ATG7: variants seen among roughly 807,000 people sequenced by gnomAD.
The protein encoded by ATG7 is autophagy related 7.
In ATG7, 70 loss-of-function variants were observed where a neutral mutation model predicts 82.4. That is an observed-to-expected ratio of 0.85 (90% CI 0.70 to 1.04). The LOEUF is 1.04. ATG7 is among the 50% of genes least tolerant of loss of function. The probability of loss-of-function intolerance (pLI) is 0.00; values close to 1 mark genes in which losing one functional copy is unlikely to be tolerated. For synonymous variants in ATG7, 287 were observed against 313.0 expected, an observed-to-expected ratio of 0.92 and a Z score of 0.88; for missense variants, 792 against 864.3, an observed-to-expected ratio of 0.92 and a Z score of 1.05.
At chr3:11,562,100 G>A (rs1219426928), downstream of ATG7, among the ~76,000 whole-genome samples, 1 of 152,128 alleles carries the variant, frequency 6.6e-6, no homozygotes, top group African/African-American at 2.4e-5. Context: ...GTTTCACCAT[G>A]TTGGCCAGGC....
chr3:11,453,458 G>T (rs148361341), intron 20 of ATG7, among the ~76,000 whole-genome samples: 1 of 152,172 alleles, frequency 6.6e-6, no homozygotes, highest in East Asian at 1.9e-4. Context: ...CACACCCTTC[G>T]TCAGGATGTA....
chr3:11,570,507 C>T, the ATG7 span, among the ~76,000 whole-genome samples: 16 of 152,330 alleles, frequency 1.1e-4, no homozygotes, highest in East Asian at 1.7e-3. Flanking sequence ...GCAGCCCCCA[C>T]GCCCTAATCT....
chr3:11,496,930 G>C (rs567122581), intron 20 of ATG7, among the ~76,000 whole-genome samples: 2 of 151,882 alleles, frequency 1.3e-5, no homozygotes, highest in African/African-American at 4.8e-5. Context: ...TGTGATCTCG[G>C]CTCACTGCAA....
chr3:11,402,427 C>G (rs149850660), intron 19 of ATG7, among the ~76,000 whole-genome samples: 1 of 151,952 alleles, frequency 6.6e-6, no homozygotes, highest in Non-Finnish European at 1.5e-5. Flanking sequence ...AGTGAGACTC[C>G]GTCTCAAAAA....
the ATG7 span, among the ~76,000 whole-genome samples, chr3:11,574,785 ATGTGTGTGTG>A: frequency 0.012 from 1,500 of 121,774 alleles, 12 homozygotes; most frequent in Middle Eastern, 0.024. Context: ...TCAACTATAT[ATGTGTGTGTG>A]TGTGTGTGTG....
At chr3:11,514,239 TGGC>T (rs2092191230) in intron 20 of ATG7, among the ~76,000 whole-genome samples, 1 of 152,242 alleles carries the variant, frequency 6.6e-6, no homozygotes, top group Non-Finnish European at 1.5e-5. Context: ...GATTGGAATC[TGGC>T]CAGTGTGACT....
At chr3:11,276,233 A>G (rs1047065095) in intron 1 of ATG7, among the ~76,000 whole-genome samples, 21 of 152,092 alleles carry the variant, frequency 1.4e-4, no homozygotes, top group African/African-American at 5.1e-4. Context: ...TCTATCCTTT[A>G]CCAACTGATC....
intron 14 of ATG7, among the ~76,000 whole-genome samples, chr3:11,352,391 A>G (rs999670696): frequency 6.6e-6 from 1 of 152,202 alleles, no homozygotes; most frequent in African/African-American, 2.4e-5. Context: ...TGGGTCAAAT[A>G]GTATTTCTAG....
At chr3:11,296,869 C>T (rs762937757) in intron 3 of ATG7, among the ~76,000 whole-genome samples, 75 of 152,216 alleles carry the variant, frequency 4.9e-4, no homozygotes, top group Admixed American at 5.9e-4. Flanking sequence ...CCACATTCAT[C>T]CCATTCTTCT....
intron 20 of ATG7, among the ~76,000 whole-genome samples, chr3:11,436,110 C>A (rs188451373): frequency 1.5e-4 from 23 of 152,212 alleles, no homozygotes; most frequent in African/African-American, 5.5e-4. Flanking sequence ...GGAACTCTTA[C>A]AACTTAATAA....
At chr3:11,444,638 CCTTA>C (rs1449239819) in intron 20 of ATG7, among the ~76,000 whole-genome samples, 3 of 152,116 alleles carry the variant, frequency 2.0e-5, no homozygotes, top group Non-Finnish European at 2.9e-5. Context: ...ACATCCTGGC[CCTTA>C]CTTCTGGACA....
At position 11,442,833 on chromosome 3, in the gene ATG7, A is replaced by C. The variant is rs181280056; in HGVS notation, c.2079+15907A>C. 3.2e-3 allele frequency among the ~76,000 whole-genome samples: 478 copies of C among 150,000 alleles called. 1 individual carries two copies. The highest frequency in any genetic ancestry group is 0.011 in the African/African-American group (455 of 40,960). On this transcript the variant is annotated intron_variant, in intron 20 of 20. Coordinates refer to ENST00000693202, the MANE Select transcript of ATG7 (RefSeq NM_001349232.2). ...CTACTTGGGAGGCTGAGATGGGAAG[A>C]TTGCTAGAGCCCAGGAGTTCGAGGC... is the stretch of plus-strand genomic sequence containing the variant.
chr3:11,509,034 T>G (rs986029585), intron 20 of ATG7, among the ~76,000 whole-genome samples: 6 of 152,236 alleles, frequency 3.9e-5, no homozygotes, highest in Admixed American at 3.9e-4. Context: ...CTTTAAACTT[T>G]AAAATAACAA....
intron 9 of ATG7, among the ~76,000 whole-genome samples, chr3:11,322,047 A>C (rs965452231): frequency 6.6e-6 from 1 of 152,124 alleles, no homozygotes; most frequent in African/African-American, 2.4e-5. Context: ...CACTGATGGT[A>C]TTGTCTTTAA....
intron 1 of ATG7, among the ~76,000 whole-genome samples, chr3:11,278,409 C>T (rs1207975112): frequency 6.6e-6 from 1 of 152,210 alleles, no homozygotes; most frequent in Non-Finnish European, 1.5e-5. Context: ...ATGAAATCTT[C>T]GCAATTTATG....
At chr3:11,554,776 A>C (rs763474883) in intron 20 of ATG7, 35 bp from the exon 21 acceptor site, 1 of 1,611,376 alleles carries the variant, frequency 6.2e-7, no homozygotes, top group Non-Finnish European at 8.5e-7. Flanking sequence ...GGGCAGTGGG[A>C]CATCTCGGCT....
In ATG7 at chr3:11,505,417, A is replaced by G. The variant is rs183960535; in HGVS notation, c.2080-49394A>G. 9.5e-4 allele frequency among the ~76,000 whole-genome samples: 145 copies of G among 152,312 alleles called. 1 individual carries two copies. The highest frequency in any genetic ancestry group is 3.4e-3 in the African/African-American group (142 of 41,572). ...TGGTGTCTGTGTTGTTTAGAATTGA[A>G]GACATGGACCTTTTGTTACTGATAA... On this transcript the variant is annotated intron_variant, in intron 20 of 20. Transcript: ENST00000693202.
rs57048229 is a variant in ATG7 at position 11,538,883 on chromosome 3, AG to A, written c.2080-15927del. ...AGTGAGACTCTTGTCTCAAAAAAAA[AG>A]AAAAAGAAAAAGCCCTTAGTAATTC... is the stretch of plus-strand genomic sequence containing the variant. On this transcript the variant is annotated intron_variant, in intron 20 of 20. Transcript: ENST00000693202. Among the ~76,000 whole-genome samples, 406 of 89,100 alleles carry A rather than the reference AG, an allele frequency of 4.6e-3. 9 individuals are homozygous for A. The East Asian group carries it at 0.09, about 20-fold the overall frequency. The allele number at this position is 89,100 out of a possible 152,430, so 58.5% of individuals were successfully genotyped here. A position where few individuals can be genotyped will look rare whatever the true frequency, so the allele number is the denominator to read the frequency against.
chr3:11,404,867 G>A (rs995664786), intron 19 of ATG7, among the ~76,000 whole-genome samples: 6 of 151,950 alleles, frequency 3.9e-5, no homozygotes, highest in East Asian at 1.9e-4. Context: ...AGAAAGACCC[G>A]CCCCCATGAT....
Sources: allele counts gnomAD v4.1 joint callset (sites outside exome capture counted in the v4.1 genomes callset), GRCh38; gene constraint gnomAD v4.1.1; transcripts MANE v1.5; gene names NCBI Gene and HGNC (gene_info 2026-07-23, HGNC 2026-07-21).